Variants in NRXN2 observed in about 807,000 individuals in gnomAD.
The protein encoded by NRXN2 is neurexin 2, also known as neurexin-2-beta.
A neutral mutation model predicts 128.8 loss-of-function variants in NRXN2; 29 were observed. That is an observed-to-expected ratio of 0.23 (90% CI 0.17 to 0.31). NRXN2 has a LOEUF of 0.31. NRXN2 is among the 10% of genes least tolerant of loss of function. The pLI, the probability that NRXN2 is intolerant of heterozygous loss-of-function variation, is 1.00. For synonymous variants in NRXN2, 1,098 were observed against 1,075.2 expected (o/e 1.02, Z -0.41); for missense variants, 1,881 against 2,452.6 (o/e 0.77, Z 4.92).
intron 7 of NRXN2, among the ~76,000 whole-genome samples, chr11:64,671,504 C>A (rs1037505317): frequency 9.2e-5 from 14 of 152,242 alleles, no homozygotes; most frequent in African/African-American, 1.2e-4. Context: ...ACCTCCCCCC[C>A]ACGCATCTTC....
intron 11 of NRXN2, among the ~76,000 whole-genome samples, chr11:64,656,595 C>T (rs2048323948): frequency 6.6e-6 from 1 of 152,124 alleles, no homozygotes; most frequent in Non-Finnish European, 1.5e-5. Context: ...TCTTTAATTA[C>T]ACCACACCCT....
intron 11 of NRXN2, among the ~76,000 whole-genome samples, chr11:64,655,485 C>T (rs1056757284): frequency 1.3e-5 from 2 of 151,742 alleles, no homozygotes; most frequent in African/African-American, 4.8e-5. Flanking sequence ...GGTGCCAGGC[C>T]CTGGAGTCAG....
At chr11:64,696,176 A>G (rs988984104) in intron 3 of NRXN2, among the ~76,000 whole-genome samples, 11 of 151,898 alleles carry the variant, frequency 7.2e-5, no homozygotes, top group African/African-American at 2.4e-4. Context: ...TGACATCAAG[A>G]GCAAGTAAAA....
chr11:64,623,002 G>A lies in NRXN2; in HGVS notation c.3924C>T (p.Gly1308=). 1 of 1,613,086 alleles carries A rather than the reference G, an allele frequency of 6.2e-7. No individual in the cohort carries two copies. The highest frequency in any genetic ancestry group is 8.5e-7 in the Non-Finnish European group (1 of 1,179,814). The change falls in exon 21 of 23, where the codon GGC becomes GGT. Residue 1308 remains glycine (G), a synonymous_variant. Transcript: ENST00000265459. The surrounding 1 kb of genome is among the most constrained non-coding windows in gnomAD (Gnocchi z 4.9). ...GGRDQGRPFQ[G]QVSGLYYNGL... is the part of the protein sequence containing the mutation. ...CATTGTAGTAGAGGCCGGACACCTGGCCCTGGAAGGGGCGGCCCTGATCCC... is the reference window on the plus strand; with the variant it reads ...CATTGTAGTAGAGGCCGGACACCTGACCCTGGAAGGGGCGGCCCTGATCCC...
chr11:64,702,573 G>A (rs1000388634), intron 2 of NRXN2, among the ~76,000 whole-genome samples: 1 of 152,088 alleles, frequency 6.6e-6, no homozygotes, highest in Non-Finnish European at 1.5e-5. Flanking sequence ...GGTGCAAGAT[G>A]TGCTTTGTTA....
chr11:64,690,739 AG>A (rs919967705), intron 4 of NRXN2, among the ~76,000 whole-genome samples: 16 of 152,230 alleles, frequency 1.1e-4, no homozygotes, highest in African/African-American at 3.9e-4. Flanking sequence ...GACTGGGCAG[AG>A]GAACAGAGGC....
chr11:64,666,477 C>T, intron 9 of NRXN2, among the ~76,000 whole-genome samples: 1 of 152,160 alleles, frequency 6.6e-6, no homozygotes, highest in East Asian at 1.9e-4. Context: ...GCTGGAATTA[C>T]AGGCGTGAGC....
chr11:64,658,268 G>A (rs551452974), intron 11 of NRXN2, among the ~76,000 whole-genome samples: 2 of 152,348 alleles, frequency 1.3e-5, no homozygotes, highest in Admixed American at 6.5e-5. Context: ...GCAAAGTAGG[G>A]GGGAACTCAC....
At chr11:64,626,437 T>G (rs372888770) in intron 20 of NRXN2, 26 bp downstream of exon 20, 1 of 1,537,746 alleles carries the variant, frequency 6.5e-7, no homozygotes, top group African/African-American at 1.4e-5. Context: ...AGTTAATTAA[T>G]TAATTAATTA....
intron 19 of NRXN2, among the ~76,000 whole-genome samples, 178 bp from the exon 20 acceptor site, chr11:64,626,730 G>A (rs1055205036): frequency 6.6e-6 from 1 of 152,142 alleles, no homozygotes; most frequent in African/African-American, 2.4e-5. Context: ...CCTAGGCTCC[G>A]GTTCAGAGCC....
intron 7 of NRXN2, among the ~76,000 whole-genome samples, chr11:64,670,305 T>G (rs971139391): frequency 1.3e-5 from 2 of 152,084 alleles, no homozygotes; most frequent in African/African-American, 2.4e-5. Flanking sequence ...CGTTTATTTC[T>G]TCTTCCCTCC....
Position 64,607,353 on chromosome 11 carries a change from C to T in NRXN2, c.4982G>A (p.Arg1661His), listed in dbSNP as rs985928467. The change falls in exon 23 of 23, where the codon CGC becomes CAC. Residue 1661 changes from arginine to histidine, a missense_variant. This residue lies in a region of NRXN2 where 63 missense variants were observed against 76.0 expected (regional missense o/e 0.83). Coordinates refer to ENST00000265459, the MANE Select transcript of NRXN2 (RefSeq NM_015080.4). ...LILLYAMYKY[R>H]NRDEGSYQVD... ...CTGGTAGGAGCCCTCATCACGATTG[C>T]GGTACTTATACATGGCGTAGAGGAG... is the stretch of plus-strand genomic sequence containing the variant. 8.1e-6 allele frequency: 13 copies of T among 1,613,942 alleles called. No individual in the cohort carries two copies. Among genetic ancestry groups the T allele is most frequent in the Non-Finnish European group, 1.0e-5 (12 of 1,179,980 alleles).
At chr11:64,692,959 A>C in intron 3 of NRXN2, 83 bp from the exon 4 acceptor site, 1 of 1,172,464 alleles carries the variant, frequency 8.5e-7, no homozygotes, top group Non-Finnish European at 1.2e-6. Context: ...CAAAGAAAAC[A>C]CGAGTCATCA....
intron 11 of NRXN2, among the ~76,000 whole-genome samples, chr11:64,655,769 T>G (rs1236714950): frequency 1.3e-5 from 2 of 152,062 alleles, no homozygotes; most frequent in Admixed American, 6.6e-5. Flanking sequence ...GACTTGAAGA[T>G]GGGCACCCAG....
intron 11 of NRXN2, among the ~76,000 whole-genome samples, chr11:64,656,728 G>T (rs2048337743): frequency 6.6e-6 from 1 of 151,910 alleles, no homozygotes; most frequent in South Asian, 2.1e-4. Flanking sequence ...ATAGGGCAAA[G>T]AATCCAGGGG....
chr11:64,693,900 C>T (rs1368386834), intron 3 of NRXN2, among the ~76,000 whole-genome samples: 1 of 152,152 alleles, frequency 6.6e-6, no homozygotes, highest in African/African-American at 2.4e-5. Flanking sequence ...TCTCAAATGA[C>T]CCAAAAGCTG....
chr11:64,622,723 C>T lies in NRXN2; in HGVS notation c.4173+30G>A, dbSNP rs1406620204. 2 of 1,596,434 alleles carry T rather than the reference C, an allele frequency of 1.3e-6. No homozygotes were observed. The highest frequency in any genetic ancestry group is 4.5e-5 in the East Asian group (2 of 44,606). On this transcript the variant is annotated intron_variant, in intron 21 of 22. Coordinates refer to ENST00000265459, the MANE Select transcript of NRXN2 (RefSeq NM_015080.4). The surrounding 1 kb of genome is among the most constrained non-coding windows in gnomAD (Gnocchi z 4.3). The stretch of plus-strand genomic sequence containing the variant: ...CAACCCCATCCCCACCTATCCCTGC[C>T]CTAATCCACCAGCCAGAGTGGGGCC...
At chr11:64,696,684 G>A (rs1431966769) in intron 3 of NRXN2, among the ~76,000 whole-genome samples, 1 of 152,090 alleles carries the variant, frequency 6.6e-6, no homozygotes, top group Non-Finnish European at 1.5e-5. Flanking sequence ...CAGGCCAAGA[G>A]CCTCTTGCTG....
At chr11:64,688,569 C>G in intron 5 of NRXN2, 4 of 985,396 alleles carry the variant, frequency 4.1e-6, no homozygotes, top group Non-Finnish European at 4.8e-6. Context: ...CCTGAAGCAC[C>G]AGGGGGCGCT....
Sources: allele counts gnomAD v4.1 joint callset (sites outside exome capture counted in the v4.1 genomes callset), GRCh38; gene constraint gnomAD v4.1.1; regional missense constraint gnomAD v4.1.1; non-coding constraint Gnocchi (gnomAD v3.1); transcripts MANE v1.5; gene names NCBI Gene and HGNC (gene_info 2026-07-23, HGNC 2026-07-21).